Variants in OSBPL10 observed in about 807,000 individuals in gnomAD.
The protein encoded by OSBPL10 is oxysterol binding protein like 10, also known as oxysterol-binding protein-related protein 10.
A neutral mutation model predicts 81.7 loss-of-function variants in OSBPL10; 49 were observed. That is an observed-to-expected ratio of 0.60 (90% CI 0.48 to 0.76). The LOEUF (loss-of-function observed/expected upper bound fraction) is 0.76, where lower values mean the gene tolerates loss of function less well. Ranked by LOEUF, OSBPL10 falls within the 30% of genes least tolerant of loss-of-function variation. OSBPL10 has a pLI of 0.00. For missense variants in OSBPL10, 923 were observed against 987.8 expected (o/e 0.93, Z 0.88); for synonymous variants, 419 against 383.6 (o/e 1.09, Z -1.08).
At chr3:31,849,796 G>C (rs968259563) in intron 3 of OSBPL10, among the ~76,000 whole-genome samples, 3 of 152,158 alleles carry the variant, frequency 2.0e-5, no homozygotes, top group Non-Finnish European at 4.4e-5. Context: ...CCAGCACTTT[G>C]GGAGGCCAAG....
intron 2 of OSBPL10, chr3:31,991,330 T>C: frequency 4.5e-6 from 1 of 223,992 alleles, no homozygotes; most frequent in South Asian, 1.1e-4. Context: ...TTGTGTTGAA[T>C]CTAAATCACA....
At chr3:31,862,234 G>A (rs1010645110) in intron 3 of OSBPL10, among the ~76,000 whole-genome samples, 9 of 152,026 alleles carry the variant, frequency 5.9e-5, no homozygotes, top group Non-Finnish European at 1.2e-4. Flanking sequence ...TGGGAATGCT[G>A]ACAGGAAAGC....
At chr3:31,812,321 C>T (rs1367738883) in intron 4 of OSBPL10, among the ~76,000 whole-genome samples, 2 of 152,212 alleles carry the variant, frequency 1.3e-5, no homozygotes, top group African/African-American at 4.8e-5. Context: ...CGTAAGCCAC[C>T]GCGCCTGGCC....
chr3:31,808,668 A>G (rs997027912), intron 4 of OSBPL10, among the ~76,000 whole-genome samples: 3 of 152,244 alleles, frequency 2.0e-5, no homozygotes, highest in Non-Finnish European at 2.9e-5. Flanking sequence ...ATTAAAAGGC[A>G]CTTGAAAACA....
intron 1 of OSBPL10, among the ~76,000 whole-genome samples, chr3:31,935,785 G>A (rs1697368159): frequency 6.6e-6 from 1 of 152,106 alleles, no homozygotes; most frequent in South Asian, 2.1e-4. Context: ...GCCTCGCAAA[G>A]TCCTGGGATT....
chr3:31,955,271 G>T (rs1381635188), intron 1 of OSBPL10, among the ~76,000 whole-genome samples: 2 of 152,198 alleles, frequency 1.3e-5, no homozygotes, highest in African/African-American at 4.8e-5. Flanking sequence ...ATGCCATCTG[G>T]TCTTACCATC....
upstream of OSBPL10, among the ~76,000 whole-genome samples, chr3:31,986,017 T>C (rs1698928727): frequency 6.6e-6 from 1 of 152,222 alleles, no homozygotes; most frequent in African/African-American, 2.4e-5. Context: ...CACCGTATTA[T>C]ACCACTTGCT....
At position 31,774,749 on chromosome 3, in the gene OSBPL10, G is replaced by C. The variant is rs182626429; in HGVS notation, c.730-26629C>G. On this transcript the variant is annotated intron_variant, in intron 4 of 11. Transcript: ENST00000396556. ...GCTGGTCTCGCACTCCTGACCTCATGATGGGACCGCCTCAGCCTCCCAAAG... is the reference window on the plus strand; with the variant it reads ...GCTGGTCTCGCACTCCTGACCTCATCATGGGACCGCCTCAGCCTCCCAAAG... Among the ~76,000 whole-genome samples, 201 of 151,654 alleles carry C rather than the reference G, an allele frequency of 1.3e-3. 3 individuals carry two copies. The highest frequency in any genetic ancestry group is 4.7e-3 in the African/African-American group (196 of 41,436).
At chr3:32,025,806 G>A (rs1287496132) in intron 2 of OSBPL10, among the ~76,000 whole-genome samples, 1 of 152,042 alleles carries the variant, frequency 6.6e-6, no homozygotes, top group African/African-American at 2.4e-5. Flanking sequence ...AAGGTCAGTA[G>A]TAATGTCCTC....
At chr3:31,982,172 G>A (rs1365777820), upstream of OSBPL10, among the ~76,000 whole-genome samples, 4 of 152,096 alleles carry the variant, frequency 2.6e-5, no homozygotes, top group Non-Finnish European at 1.5e-5. Flanking sequence ...CAGAGGCAAG[G>A]GAAATTAACA....
chr3:31,941,793 A>T (rs904466417), intron 1 of OSBPL10, among the ~76,000 whole-genome samples: 2 of 152,230 alleles, frequency 1.3e-5, no homozygotes, highest in African/African-American at 4.8e-5. Flanking sequence ...GGAAGCAGAG[A>T]ATATAAGTAA....
rs1354836371 is a variant in OSBPL10 at position 31,876,477 on chromosome 3, G to T, written c.493C>A (p.Gln165Lys). 1.9e-6 allele frequency: 3 copies of T among 1,613,512 alleles called. No homozygotes were observed. The highest frequency in any genetic ancestry group is 2.5e-6 in the Non-Finnish European group (3 of 1,179,564). ...TGGTATTTGGCACAAGCTCGAAGCT[G>T]AGTCACCCAGAATTGTTTCTCTTTT... The part of the protein sequence containing the change: ...DAKEKQFWVT[Q>K]LRACAKYHME... Residue 165 changes from glutamine to lysine, a missense_variant, in exon 3 of 12, where the codon CAG becomes AAG. Coordinates refer to ENST00000396556, the MANE Select transcript of OSBPL10 (RefSeq NM_017784.5).
At chr3:31,966,225 AAAT>A (rs1698398938) in intron 1 of OSBPL10, among the ~76,000 whole-genome samples, 2 of 149,976 alleles carry the variant, frequency 1.3e-5, no homozygotes, top group African/African-American at 4.9e-5. Flanking sequence ...CATGGGACGA[AAAT>A]AAAGTCTCAA....
chr3:31,695,123 A>G (rs1308746473), intron 7 of OSBPL10, among the ~76,000 whole-genome samples: 1 of 152,148 alleles, frequency 6.6e-6, no homozygotes, highest in Non-Finnish European at 1.5e-5. Flanking sequence ...TAGGGACCTC[A>G]CCACCGGAGC....
At chr3:31,832,249 A>G (rs72850518) in intron 3 of OSBPL10, among the ~76,000 whole-genome samples, 2,276 of 152,326 alleles carry the variant, frequency 0.015, 51 homozygotes, top group African/African-American at 0.053. Context: ...ATAAAACTAT[A>G]AAGTGGCTGC....
intron 3 of OSBPL10, among the ~76,000 whole-genome samples, chr3:31,873,875 T>C (rs1701389378): frequency 6.6e-6 from 1 of 152,228 alleles, no homozygotes; most frequent in Admixed American, 6.5e-5. Context: ...TGTCACTGAA[T>C]AATAAGGTCT....
chr3:32,011,151 G>C (rs1453854040), intron 2 of OSBPL10, among the ~76,000 whole-genome samples: 3 of 152,200 alleles, frequency 2.0e-5, no homozygotes, highest in Non-Finnish European at 4.4e-5. Context: ...TCCTCAAGTG[G>C]GTCCCTGACC....
intron 3 of OSBPL10, among the ~76,000 whole-genome samples, chr3:31,833,457 G>A (rs1700292690): frequency 6.6e-6 from 1 of 152,144 alleles, no homozygotes; most frequent in Non-Finnish European, 1.5e-5. Context: ...TTAGCACAGT[G>A]CCTGACATGC....
intron 2 of OSBPL10, among the ~76,000 whole-genome samples, chr3:32,036,061 T>G (rs374621909): frequency 1.3e-5 from 2 of 152,188 alleles, no homozygotes; most frequent in African/African-American, 4.8e-5. Context: ...TTAAAAAAAT[T>G]TTTTTAGACA....
Sources: gnomAD v4.1 joint callset for allele counts (sites outside exome capture counted in the v4.1 genomes callset) on GRCh38, gnomAD v4.1.1 for gene constraint, MANE v1.5 for transcripts, NCBI Gene and HGNC (gene_info 2026-07-23, HGNC 2026-07-21) for gene names.